The following TENM4 variants were observed in gnomAD, a reference collection of about 807,000 sequenced individuals.
The protein encoded by TENM4 is teneurin transmembrane protein 4.
A neutral mutation model predicts 243.3 loss-of-function variants in TENM4; 82 were observed. The ratio of observed to expected loss-of-function variants is 0.34; its 90% confidence interval spans 0.28 to 0.40. The LOEUF (loss-of-function observed/expected upper bound fraction) is 0.40. TENM4 is among the 10% of genes least tolerant of loss of function. TENM4 has a pLI of 1.00. For synonymous variants in TENM4, 1,412 were observed against 1,456.3 expected, an observed-to-expected ratio of 0.97 and a Z score of 0.69; for missense variants, 3,138 against 3,673.3, an observed-to-expected ratio of 0.85 and a Z score of 3.77.
chr11:79,224,542 C>T (rs1279886473), intron 2 of TENM4, among the ~76,000 whole-genome samples: 2 of 152,062 alleles, frequency 1.3e-5, no homozygotes, highest in Admixed American at 6.6e-5. Context: ...GGAGTCCAAA[C>T]CCCCAGTACT....
At chr11:78,664,605 C>T (rs1858106641) in intron 32 of TENM4, among the ~76,000 whole-genome samples, 1 of 152,246 alleles carries the variant, frequency 6.6e-6, no homozygotes, top group Non-Finnish European at 1.5e-5. Flanking sequence ...CATGCTTCCA[C>T]ATCCCAGGAC....
At position 78,669,722 on chromosome 11, in the gene TENM4, T is replaced by C. The variant is rs776666864; in HGVS notation, c.6623A>G (p.Asn2208Ser). The C allele has an allele frequency of 4.3e-6, 7 of 1,613,852 alleles. No homozygotes were observed. The highest frequency in any genetic ancestry group is 2.2e-5 in the South Asian group (2 of 91,072). The change falls in exon 32 of 34, where the codon AAT becomes AGT. Residue 2208 changes from asparagine to serine, a missense_variant. This residue lies in a region of TENM4 where 2,467 missense variants were observed against 3,059.1 expected (regional missense o/e 0.81). Coordinates refer to ENST00000278550, the MANE Select transcript of TENM4 (RefSeq NM_001098816.3). The surrounding 1 kb of genome is among the most constrained non-coding windows in gnomAD (Gnocchi z 6.4). The stretch of plus-strand genomic sequence containing the variant: ...GCTGTAGCGCCAGAGTGGCTTGTCA[T>C]TGATGGAGACTGTCTGCAGCTGGCC... ...ADGQLQTVSI[N>S]DKPLWRYSYD...
At chr11:78,972,958 C>T (rs1857576602) in intron 6 of TENM4, among the ~76,000 whole-genome samples, 1 of 152,196 alleles carries the variant, frequency 6.6e-6, no homozygotes. Flanking sequence ...ACTTCTTGCA[C>T]TTAGCAAAAT....
At chr11:79,172,944 G>A (rs1253351509) in intron 3 of TENM4, among the ~76,000 whole-genome samples, 3 of 151,930 alleles carry the variant, frequency 2.0e-5, no homozygotes, top group African/African-American at 4.8e-5. Flanking sequence ...CCTGGCCCTC[G>A]TCTCTCCATT....
intron 13 of TENM4, among the ~76,000 whole-genome samples, chr11:78,813,896 C>T (rs1235574235): frequency 6.6e-6 from 1 of 152,214 alleles, no homozygotes; most frequent in African/African-American, 2.4e-5. Flanking sequence ...TCCCCATTTA[C>T]AGGCCAGAGA....
intron 12 of TENM4, among the ~76,000 whole-genome samples, chr11:78,834,977 C>T (rs746047342): frequency 1.3e-5 from 2 of 152,206 alleles, no homozygotes; most frequent in Non-Finnish European, 2.9e-5. Flanking sequence ...TGTCTCCACA[C>T]TGCTAACTCC....
chr11:79,271,200 G>A (rs1855963322), intron 2 of TENM4, among the ~76,000 whole-genome samples: 1 of 152,132 alleles, frequency 6.6e-6, no homozygotes, highest in Non-Finnish European at 1.5e-5. Flanking sequence ...GCTGCAAGGG[G>A]AACATTCAAA....
chr11:78,863,579 T>C (rs1858880477), intron 9 of TENM4, among the ~76,000 whole-genome samples: 1 of 152,192 alleles, frequency 6.6e-6, no homozygotes, highest in Admixed American at 6.5e-5. Context: ...CCCATAATCA[T>C]ATGAAAAGAC....
At chr11:79,046,587 C>T (rs1460943252) in intron 6 of TENM4, among the ~76,000 whole-genome samples, 2 of 152,126 alleles carry the variant, frequency 1.3e-5, no homozygotes, top group Admixed American at 6.5e-5. Context: ...TCCAATATGA[C>T]TTGTATTCTT....
chr11:78,965,049 G>A (rs1445983982), intron 6 of TENM4, among the ~76,000 whole-genome samples: 3 of 151,982 alleles, frequency 2.0e-5, no homozygotes, highest in Non-Finnish European at 4.4e-5. Context: ...TGTATTTTTA[G>A]TAGAGACGGG....
At chr11:78,879,456 CCCGGCCG>C (rs1859367890) in intron 9 of TENM4, among the ~76,000 whole-genome samples, 3 of 146,008 alleles carry the variant, frequency 2.1e-5, no homozygotes, top group Middle Eastern at 3.8e-3. Flanking sequence ...AGTGCCTCTG[CCCGGCCG>C]CCACACCGTC....
intron 6 of TENM4, among the ~76,000 whole-genome samples, chr11:78,926,432 C>T (rs553927260): frequency 1.2e-4 from 18 of 151,992 alleles, no homozygotes; most frequent in Admixed American, 5.9e-4. Context: ...TGCTACCACG[C>T]CTGGCTAATT....
chr11:78,898,474 C>T (rs566574954), intron 7 of TENM4, among the ~76,000 whole-genome samples: 47 of 152,290 alleles, frequency 3.1e-4, no homozygotes, highest in Middle Eastern at 6.8e-3. Context: ...CTGGCAAAAG[C>T]TGTTTAGGCT....
intron 6 of TENM4, among the ~76,000 whole-genome samples, chr11:78,920,479 A>G (rs1031573438): frequency 3.9e-5 from 6 of 152,202 alleles, no homozygotes; most frequent in Non-Finnish European, 8.8e-5. Context: ...GCCCGGAGGC[A>G]GGAATAGGCA....
intron 1 of TENM4, among the ~76,000 whole-genome samples, chr11:79,400,905 A>G (rs1858447520): frequency 6.6e-6 from 1 of 152,204 alleles, no homozygotes; most frequent in Non-Finnish European, 1.5e-5. Flanking sequence ...CCTGCATGCC[A>G]TGACCTAGGT....
intron 4 of TENM4, among the ~76,000 whole-genome samples, chr11:79,144,099 G>A (rs565681473): frequency 6.6e-6 from 1 of 151,788 alleles, no homozygotes; most frequent in East Asian, 1.9e-4. Flanking sequence ...AAGGCAACTC[G>A]GCAGGAAAAA....
At chr11:79,062,067 T>G (rs4944218) in intron 6 of TENM4, among the ~76,000 whole-genome samples, 131,606 of 151,292 alleles carry the variant, frequency 0.87, 57,992 homozygotes, top group Middle Eastern at 0.98. Context: ...GTTCCAGTGA[T>G]TCTCCTGCCT....
rs147563476 is a variant in TENM4 at position 79,161,343 on chromosome 11, C to T, written c.-162-12537G>A. 4.2e-3 allele frequency among the ~76,000 whole-genome samples: 641 copies of T among 152,310 alleles called. 5 individuals carry two copies. The highest frequency in any genetic ancestry group is 0.01 in the African/African-American group (421 of 41,572). On this transcript the variant is annotated intron_variant, in intron 3 of 33. Transcript: ENST00000278550. ...TAATTTCTCCTTTTCATGGTTGAAA[C>T]GTGTGCCTTCAAAATTCATGTCCAC...
intron 4 of TENM4, among the ~76,000 whole-genome samples, chr11:79,104,919 C>G (rs761877670): frequency 2.6e-5 from 4 of 152,178 alleles, no homozygotes; most frequent in Non-Finnish European, 4.4e-5. Context: ...GTTTCTAAGC[C>G]TCAACTGAAC....
Sources: gnomAD v4.1 joint callset for allele counts (sites outside exome capture counted in the v4.1 genomes callset) on GRCh38, gnomAD v4.1.1 for gene constraint, gnomAD v4.1.1 regional missense constraint, Gnocchi (gnomAD v3.1) non-coding constraint, MANE v1.5 for transcripts, NCBI Gene and HGNC (gene_info 2026-07-23, HGNC 2026-07-21) for gene names.